The following ST7 variants were observed in gnomAD, a reference collection of about 807,000 sequenced individuals.
The protein encoded by ST7 is suppression of tumorigenicity 7, also known as suppressor of tumorigenicity 7 protein.
A neutral mutation model predicts 78.7 loss-of-function variants in ST7; 28 were observed. That is an observed-to-expected ratio of 0.36 (90% CI 0.26 to 0.49). The LOEUF (loss-of-function observed/expected upper bound fraction) is 0.49, where lower values mean the gene tolerates loss of function less well. Ranked by LOEUF, ST7 falls within the 20% of genes least tolerant of loss-of-function variation. ST7 has a pLI of 0.99. For missense variants in ST7, 418 were observed against 696.0 expected (o/e 0.60, Z 4.49); for synonymous variants, 247 against 249.6 (o/e 0.99, Z 0.10).
chr7:117,048,919 C>T (rs370293528), intron 1 of ST7, among the ~76,000 whole-genome samples: 21 of 152,096 alleles, frequency 1.4e-4, no homozygotes, highest in African/African-American at 5.1e-4. Flanking sequence ...GAATTAGAGA[C>T]ACTGTGTTTG....
chr7:117,056,629 C>T lies in ST7; in HGVS notation c.152-43133C>T, dbSNP rs558225061. Among the ~76,000 whole-genome samples the T allele has an allele frequency of 6.6e-5, 10 of 150,918 alleles. No homozygotes were observed. The South Asian group carries it at 1.5e-3, about 22-fold the overall frequency. On this transcript the variant is annotated intron_variant, in intron 1 of 15. Coordinates refer to ENST00000323984, the MANE Select transcript of ST7 (RefSeq NM_001369598.1). Reference sequence around the variant, plus strand: ...AGCCTGGGCAACAAGAGCGAAACTCCGTCTCAAAAATAAAAATAAAAATAA... The same window carrying T: ...AGCCTGGGCAACAAGAGCGAAACTCTGTCTCAAAAATAAAAATAAAAATAA...
At chr7:117,186,881 A>G (rs1367697201) in intron 10 of ST7, among the ~76,000 whole-genome samples, 1 of 152,208 alleles carries the variant, frequency 6.6e-6, no homozygotes, top group Non-Finnish European at 1.5e-5. Flanking sequence ...GTTGTGATGA[A>G]CAATCTTTGT....
intron 9 of ST7, among the ~76,000 whole-genome samples, chr7:117,143,466 A>C (rs904686518): frequency 6.6e-6 from 1 of 152,178 alleles, no homozygotes; most frequent in Non-Finnish European, 1.5e-5. Flanking sequence ...CAAAATTTGA[A>C]GTGTCCCCTG....
chr7:117,040,980 A>G (rs1436939332), intron 1 of ST7, among the ~76,000 whole-genome samples: 1 of 151,686 alleles, frequency 6.6e-6, no homozygotes, highest in Non-Finnish European at 1.5e-5. Context: ...TTCACTATCT[A>G]CCCCTTTGCT....
chr7:117,209,713 A>G (rs1252398163), intron 12 of ST7, 74 bp from the exon 13 acceptor site: 2 of 1,523,630 alleles, frequency 1.3e-6, no homozygotes, highest in African/African-American at 1.4e-5. Flanking sequence ...AGGGAAATCA[A>G]CTGCTCTATT....
chr7:117,149,177 A>C (rs988639334), intron 9 of ST7, among the ~76,000 whole-genome samples: 1 of 152,162 alleles, frequency 6.6e-6, no homozygotes, highest in Non-Finnish European at 1.5e-5. Context: ...TTGTGACTCA[A>C]GAATCCTCAG....
At chr7:117,106,155 C>T (rs1308156416) in intron 2 of ST7, among the ~76,000 whole-genome samples, 2 of 152,048 alleles carry the variant, frequency 1.3e-5, no homozygotes, top group African/African-American at 2.4e-5. Context: ...CCTGCCACCG[C>T]GCCGGGCTAA....
intron 1 of ST7, among the ~76,000 whole-genome samples, chr7:117,068,276 CT>C (rs1240408798): frequency 2.0e-5 from 3 of 150,946 alleles, no homozygotes; most frequent in African/African-American, 7.3e-5. Context: ...GAAGCATTTC[CT>C]TTTTATGTCT....
At chr7:117,046,511 G>T (rs1322115063) in intron 1 of ST7, among the ~76,000 whole-genome samples, 1 of 151,950 alleles carries the variant, frequency 6.6e-6, no homozygotes, top group Admixed American at 6.6e-5. Context: ...TTCTCTCAGG[G>T]ACATAGTGGG....
At chr7:117,102,659 T>C (rs1463382064) in intron 2 of ST7, among the ~76,000 whole-genome samples, 5 of 152,076 alleles carry the variant, frequency 3.3e-5, no homozygotes, top group Admixed American at 6.5e-5. Flanking sequence ...TATTAATATA[T>C]TGAGAATTAC....
intron 13 of ST7, among the ~76,000 whole-genome samples, chr7:117,217,309 A>AC (rs1466216031): frequency 4.6e-5 from 7 of 152,044 alleles, no homozygotes; most frequent in African/African-American, 1.7e-4. Flanking sequence ...ACAAAAAAAA[A>AC]AACTTCCCAC....
intron 1 of ST7, chr7:116,959,002 TC>T (rs1255058355): frequency 2.8e-6 from 1 of 353,868 alleles, no homozygotes; most frequent in African/African-American, 2.2e-5. Flanking sequence ...GGTTTTCCTT[TC>T]CAGAGAAAGA....
chr7:117,140,446 G>T (rs1805186182), intron 9 of ST7, among the ~76,000 whole-genome samples: 1 of 152,090 alleles, frequency 6.6e-6, no homozygotes, highest in African/African-American at 2.4e-5. Flanking sequence ...TTGACTGGGA[G>T]AATTAAATAA....
intron 2 of ST7, among the ~76,000 whole-genome samples, chr7:117,108,488 C>G (rs1425206398): frequency 6.6e-6 from 1 of 152,158 alleles, no homozygotes; most frequent in East Asian, 1.9e-4. Context: ...GTTTTGGTGA[C>G]TGTGGCCTTA....
chr7:116,983,995 T>A (rs2116342810), intron 1 of ST7, among the ~76,000 whole-genome samples: 1 of 152,260 alleles, frequency 6.6e-6, no homozygotes, highest in Admixed American at 6.5e-5. Flanking sequence ...GTGATATCGA[T>A]CAAATTATGT....
At chr7:117,004,975 G>C (rs867222865) in intron 1 of ST7, among the ~76,000 whole-genome samples, 1 of 152,162 alleles carries the variant, frequency 6.6e-6, no homozygotes, top group East Asian at 1.9e-4. Context: ...TTATGTTTTC[G>C]TTTTGTTAGC....
At chr7:117,132,406 A>G (rs544003435) in intron 6 of ST7, among the ~76,000 whole-genome samples, 196 of 151,992 alleles carry the variant, frequency 1.3e-3, no homozygotes, top group Admixed American at 2.4e-3. Flanking sequence ...TAAGACAAAG[A>G]TAAGAGGAAA....
intron 15 of ST7, among the ~76,000 whole-genome samples, chr7:117,227,843 A>G (rs1317427657): frequency 2.0e-5 from 3 of 152,282 alleles, no homozygotes; most frequent in Non-Finnish European, 4.4e-5. Context: ...TAATTTCAGA[A>G]GATTATCAGA....
chr7:117,087,426 T>C (rs1448686204), intron 1 of ST7, among the ~76,000 whole-genome samples: 1 of 152,166 alleles, frequency 6.6e-6, no homozygotes, highest in East Asian at 1.9e-4. Flanking sequence ...CTTAAAGGCA[T>C]ATATAAAAAA....
Sources: allele counts gnomAD v4.1 joint callset (sites outside exome capture counted in the v4.1 genomes callset), GRCh38; gene constraint gnomAD v4.1.1; transcripts MANE v1.5; gene names NCBI Gene and HGNC (gene_info 2026-07-23, HGNC 2026-07-21).